The following TWSG1 variants were observed in gnomAD, a reference collection of about 807,000 sequenced individuals.
The protein encoded by TWSG1 is twisted gastrulation protein homolog 1.
A neutral mutation model predicts 23.0 loss-of-function variants in TWSG1; 15 were observed. The observed-to-expected ratio is 0.65, with a 90% CI of 0.44 to 1.00. The LOEUF is 1.00. TWSG1 is among the 50% of genes least tolerant of loss of function. The pLI is 0.00. For synonymous variants in TWSG1, 86 were observed against 92.8 expected, an observed-to-expected ratio of 0.93 and a Z score of 0.42; for missense variants, 242 against 278.7, an observed-to-expected ratio of 0.87 and a Z score of 0.94.
chr18:9,341,486 TTC>T (rs2040446143), intron 2 of TWSG1, among the ~76,000 whole-genome samples: 1 of 152,198 alleles, frequency 6.6e-6, no homozygotes, highest in Admixed American at 6.5e-5. Context: ...ATATTTTTAC[TTC>T]TGTTAGTAAT....
chr18:9,393,657 A>C (rs1055303014), intron 3 of TWSG1, among the ~76,000 whole-genome samples: 3 of 152,160 alleles, frequency 2.0e-5, no homozygotes, highest in African/African-American at 7.2e-5. Flanking sequence ...TCCAGGGCTC[A>C]AGTGATCCTC....
At chr18:9,377,848 A>G (rs908766864) in intron 3 of TWSG1, among the ~76,000 whole-genome samples, 1 of 151,252 alleles carries the variant, frequency 6.6e-6, no homozygotes, top group African/African-American at 2.4e-5. Flanking sequence ...CCTCCCAAGT[A>G]GCTAGGACTA....
Position 9,337,237 on chromosome 18 carries a change from T to TA in TWSG1, c.9dup (p.His4ThrfsTer24). ...CATCTTCTTTGAAGAAACATGAAGT[T>TA]ACACTATGTTGCTGTGCTTACTCTA... On this transcript the variant is annotated frameshift_variant, in exon 2 of 5. Transcript: ENST00000262120. LOFTEE classifies it high-confidence loss of function. 6.2e-7 allele frequency: 1 copy of TA among 1,611,674 alleles called. No homozygotes were observed. The highest frequency in any genetic ancestry group is 8.5e-7 in the Non-Finnish European group (1 of 1,179,968).
intron 4 of TWSG1, among the ~76,000 whole-genome samples, chr18:9,398,241 C>T (rs1291722581): frequency 1.3e-5 from 2 of 151,570 alleles, no homozygotes; most frequent in African/African-American, 4.9e-5. Context: ...AAGTAATCAA[C>T]ATAACAGATA....
At chr18:9,384,686 C>A (rs1479178888) in intron 3 of TWSG1, among the ~76,000 whole-genome samples, 3 of 150,868 alleles carry the variant, frequency 2.0e-5, no homozygotes, top group Non-Finnish European at 4.4e-5. Flanking sequence ...TGCTCTGTCG[C>A]CCGGGCTGGA....
intron 3 of TWSG1, 114 bp from the exon 4 acceptor site, chr18:9,396,166 A>G: frequency 1.2e-6 from 1 of 856,468 alleles, no homozygotes; most frequent in East Asian, 2.8e-5. Context: ...AAAAAAAAAA[A>G]AAAGGTAGGA....
At chr18:9,353,218 GATGCATTTTTCAGAATGT>G (rs67687469) in intron 2 of TWSG1, among the ~76,000 whole-genome samples, 100,661 of 151,370 alleles carry the variant, frequency 0.67, 33,921 homozygotes, top group Middle Eastern at 0.74. Context: ...ATTGCCTAAG[GATGCATTTTTCAGAATGT>G]ATCCCTATCC....
At chr18:9,390,189 C>G (rs2040705883) in intron 3 of TWSG1, among the ~76,000 whole-genome samples, 1 of 151,500 alleles carries the variant, frequency 6.6e-6, no homozygotes, top group African/African-American at 2.4e-5. Flanking sequence ...GAGATGGAGT[C>G]TCGCTCTGTC....
intron 2 of TWSG1, among the ~76,000 whole-genome samples, chr18:9,338,496 T>G (rs1345530451): frequency 6.6e-6 from 1 of 152,234 alleles, no homozygotes; most frequent in Non-Finnish European, 1.5e-5. Flanking sequence ...TCCCAGCTGT[T>G]TTAATTTCAA....
At chr18:9,374,228 A>C (rs776270431) in intron 3 of TWSG1, among the ~76,000 whole-genome samples, 3 of 152,214 alleles carry the variant, frequency 2.0e-5, no homozygotes, top group African/African-American at 4.8e-5. Flanking sequence ...ATAAGAAATC[A>C]ATAATCAACG....
chr18:9,375,946 C>T (rs940446947), intron 3 of TWSG1, among the ~76,000 whole-genome samples: 9 of 151,628 alleles, frequency 5.9e-5, no homozygotes, highest in Admixed American at 3.9e-4. Flanking sequence ...GATGGAGTCT[C>T]GCTCTTTCAC....
intron 2 of TWSG1, 34 bp downstream of exon 2, chr18:9,337,386 T>C: frequency 6.2e-7 from 1 of 1,604,500 alleles, no homozygotes; most frequent in Middle Eastern, 1.7e-4. Context: ...AATATCAAAA[T>C]ATATTGTAGA....
At chr18:9,360,362 ATT>A (rs372967223) in intron 3 of TWSG1, among the ~76,000 whole-genome samples, 1 of 149,528 alleles carries the variant, frequency 6.7e-6, no homozygotes, top group African/African-American at 2.4e-5. Context: ...AAGCAGCAGC[ATT>A]TTTTTTTTGT....
At chr18:9,338,423 A>G (rs2040431991) in intron 2 of TWSG1, among the ~76,000 whole-genome samples, 1 of 152,208 alleles carries the variant, frequency 6.6e-6, no homozygotes. Context: ...ATCCATGAGT[A>G]GTTACTGCAG....
chr18:9,364,720 GA>G (rs202215300), intron 3 of TWSG1, among the ~76,000 whole-genome samples: 3,491 of 152,102 alleles, frequency 0.023, 56 homozygotes, highest in South Asian at 0.036. Flanking sequence ...CTTGAACCCA[GA>G]AGGCAGAAGT....
intron 3 of TWSG1, among the ~76,000 whole-genome samples, chr18:9,385,878 T>A (rs1172830991): frequency 6.6e-6 from 1 of 151,436 alleles, no homozygotes; most frequent in Admixed American, 6.6e-5. Flanking sequence ...AAATTTAAAA[T>A]TCAAATGGGG....
chr18:9,363,898 G>T (rs1311965416), intron 3 of TWSG1, among the ~76,000 whole-genome samples: 1 of 152,158 alleles, frequency 6.6e-6, no homozygotes, highest in Non-Finnish European at 1.5e-5. Flanking sequence ...AAAGTGCTGG[G>T]ATTACACATG....
chr18:9,341,443 T>C (rs2040445997), intron 2 of TWSG1, among the ~76,000 whole-genome samples: 1 of 152,224 alleles, frequency 6.6e-6, no homozygotes, highest in South Asian at 2.1e-4. Context: ...CTCATTCTAT[T>C]ACCCTGGGAA....
At chr18:9,350,817 G>A (rs1568032206) in intron 2 of TWSG1, among the ~76,000 whole-genome samples, 1 of 152,150 alleles carries the variant, frequency 6.6e-6, no homozygotes, top group Non-Finnish European at 1.5e-5. Context: ...TCCTGGGTTT[G>A]AAGATTCATG....
Sources: gnomAD v4.1 joint callset for allele counts (sites outside exome capture counted in the v4.1 genomes callset) on GRCh38, gnomAD v4.1.1 for gene constraint, MANE v1.5 for transcripts, NCBI Gene and HGNC (gene_info 2026-07-23, HGNC 2026-07-21) for gene names.